Variants in FRMD3 observed in about 807,000 individuals in gnomAD.
The protein encoded by FRMD3 is FERM domain containing 3, also known as FERM domain-containing protein 3.
FRMD3 carries 33 observed loss-of-function variants against 70.2 expected under a neutral mutation model. The ratio of observed to expected loss-of-function variants is 0.47; its 90% CI spans 0.36 to 0.63. The LOEUF (loss-of-function observed/expected upper bound fraction) is 0.63. Ranked by LOEUF, FRMD3 falls within the 20% of genes least tolerant of loss-of-function variation. FRMD3 has a pLI of 0.00. For synonymous variants in FRMD3, 279 were observed against 255.9 expected (o/e 1.09, Z -0.86); for missense variants, 632 against 711.4 (o/e 0.89, Z 1.27).
At chr9:83,340,534 T>G (rs757202397) in intron 5 of FRMD3, among the ~76,000 whole-genome samples, 1 of 152,174 alleles carries the variant, frequency 6.6e-6, no homozygotes, top group Non-Finnish European at 1.5e-5. Context: ...AGTCAAGATT[T>G]CTACAGGGGT....
intron 1 of FRMD3, among the ~76,000 whole-genome samples, chr9:83,438,413 TTTTTG>T (rs1554705415): frequency 2.0e-5 from 3 of 151,128 alleles, no homozygotes; most frequent in Non-Finnish European, 4.4e-5. Context: ...GAGAGTTTTT[TTTTTG>T]TTTTGTTTTG....
chr9:83,358,594 G>T (rs781100326), intron 3 of FRMD3, among the ~76,000 whole-genome samples: 1 of 151,974 alleles, frequency 6.6e-6, no homozygotes. Context: ...TGTTTGTGTT[G>T]TCTATGATTT....
Position 83,308,081 on chromosome 9 carries a change from G to A in FRMD3, c.926+1455C>T, listed in dbSNP as rs567409823. ...ACCTTCTCCAATCATTCCTAGCACA[G>A]CATTTTGTGCGTCATCTCACCCAGT... On this transcript the variant is annotated intron_variant, in intron 10 of 13. Transcript: ENST00000304195. 7.9e-4 allele frequency among the ~76,000 whole-genome samples: 120 copies of A among 152,290 alleles called. 1 individual carries two copies. Among genetic ancestry groups the A allele is most frequent in the African/African-American group, 2.8e-3 (116 of 41,564 alleles).
chr9:83,467,566 G>T, intron 1 of FRMD3: 1 of 1,102,040 alleles, frequency 9.1e-7, no homozygotes, highest in Non-Finnish European at 1.3e-6. Flanking sequence ...CATGCATTAT[G>T]TTAAATAAAA....
In FRMD3 at chr9:83,245,961, T is replaced by C; in HGVS notation, c.*1957A>G. ...TCAGGTAATAAACAAACAATCTTTA[T>C]TTAAAAAGCAAAATAAATCACTGAA... On this transcript the variant is annotated 3_prime_UTR_variant, in exon 14 of 14. Transcript: ENST00000304195. 1 of 983,800 alleles carries C rather than the reference T, an allele frequency of 1.0e-6. No homozygotes were observed. Among genetic ancestry groups the C allele is most frequent in the Non-Finnish European group, 1.2e-6 (1 of 828,474 alleles). 60.9% of individuals were successfully genotyped at this position (983,800 alleles called of 1,614,324 possible). A position where few individuals can be genotyped will look rare whatever the true frequency, so the allele number is the denominator to read the frequency against.
intron 1 of FRMD3, among the ~76,000 whole-genome samples, chr9:83,499,420 T>G (rs1829014515): frequency 6.6e-6 from 1 of 151,944 alleles, no homozygotes; most frequent in Non-Finnish European, 1.5e-5. Flanking sequence ...ACTTAATGAG[T>G]AAAAATGATG....
rs148782593 is a variant in FRMD3 at position 83,278,372 on chromosome 9, A to T, written c.1195+12231T>A. On this transcript the variant is annotated intron_variant, in intron 13 of 13. Coordinates refer to ENST00000304195, the MANE Select transcript of FRMD3 (RefSeq NM_174938.6). ...TAATCCCCTGGCTACTGTATGGAAA[A>T]TATGGATGAGAGGATGGGGATAGGA... Among the ~76,000 whole-genome samples the T allele has an allele frequency of 4.1e-4, 62 of 152,272 alleles. 2 individuals are homozygous for T. In the East Asian group the frequency reaches 0.011, roughly 28 times the overall value.
upstream of FRMD3, chr9:83,538,454 C>T (rs1033983467): frequency 2.2e-5 from 8 of 367,870 alleles, no homozygotes; most frequent in East Asian, 1.2e-4. The surrounding 1 kb of genome is among the most constrained non-coding windows in gnomAD (Gnocchi z 4.7). Flanking sequence ...CTCCTTTCCC[C>T]GCCTCCTTCT....
At chr9:83,500,716 CA>C (rs1274298255) in intron 1 of FRMD3, among the ~76,000 whole-genome samples, 1 of 151,938 alleles carries the variant, frequency 6.6e-6, no homozygotes, top group African/African-American at 2.4e-5. Context: ...TTAGTCAATG[CA>C]AAAAAATGTT....
chr9:83,349,106 A>T (rs1824058468), intron 4 of FRMD3, among the ~76,000 whole-genome samples: 1 of 152,204 alleles, frequency 6.6e-6, no homozygotes. Flanking sequence ...TGCCCAGGTT[A>T]TTCAAGGAAG....
At chr9:83,398,070 A>G (rs920262756) in intron 1 of FRMD3, among the ~76,000 whole-genome samples, 1 of 152,212 alleles carries the variant, frequency 6.6e-6, no homozygotes, top group Non-Finnish European at 1.5e-5. Context: ...AATATAAGAA[A>G]GATTGTAGCT....
intron 13 of FRMD3, among the ~76,000 whole-genome samples, chr9:83,260,730 A>G (rs1272627125): frequency 6.6e-6 from 1 of 152,104 alleles, no homozygotes; most frequent in African/African-American, 2.4e-5. Context: ...CTTTATTACT[A>G]TACTCTCTAC....
chr9:83,368,921 C>T (rs1284472519), intron 3 of FRMD3, among the ~76,000 whole-genome samples: 2 of 152,052 alleles, frequency 1.3e-5, no homozygotes, highest in Non-Finnish European at 2.9e-5. Flanking sequence ...GTGGCACCAA[C>T]TCGGCTCACT....
rs1027146400 is a variant in FRMD3 at position 83,510,696 on chromosome 9, A to G, written c.147+27389T>C. 2.6e-5 allele frequency among the ~76,000 whole-genome samples: 4 copies of G among 152,228 alleles called. No homozygotes were observed. The East Asian group carries it at 7.7e-4, about 29-fold the overall frequency. On this transcript the variant is annotated intron_variant, in intron 1 of 13. Transcript: ENST00000304195. ...TAGTATTTGGCAATAAAAAGAAAGGAAATACTGATAAACACTAAACATGAG... is the reference window on the plus strand; with the variant it reads ...TAGTATTTGGCAATAAAAAGAAAGGGAATACTGATAAACACTAAACATGAG...
intron 12 of FRMD3, among the ~76,000 whole-genome samples, chr9:83,295,609 G>A (rs1277645453): frequency 6.6e-6 from 1 of 152,210 alleles, no homozygotes; most frequent in African/African-American, 2.4e-5. Flanking sequence ...CTGATGATCT[G>A]AGAAGTGATT....
chr9:83,559,268 T>C, the FRMD3 span, among the ~76,000 whole-genome samples: 3 of 152,210 alleles, frequency 2.0e-5, no homozygotes, highest in Non-Finnish European at 4.4e-5. Context: ...CACCCCAAGC[T>C]GTAGCAACCA....
the FRMD3 span, among the ~76,000 whole-genome samples, chr9:83,561,027 G>T: frequency 6.6e-6 from 1 of 152,178 alleles, no homozygotes; most frequent in Non-Finnish European, 1.5e-5. Context: ...CCTTAAGAAT[G>T]AAGTTAGGAA....
At chr9:83,553,901 G>C in the FRMD3 span, among the ~76,000 whole-genome samples, 1 of 152,164 alleles carries the variant, frequency 6.6e-6, no homozygotes, top group African/African-American at 2.4e-5. Flanking sequence ...TGGAGAACTG[G>C]TATGGTCATC....
chr9:83,538,904 A>G (rs1829962357), upstream of FRMD3, among the ~76,000 whole-genome samples: 2 of 152,308 alleles, frequency 1.3e-5, no homozygotes, highest in Admixed American at 6.5e-5. This position sits in a 1 kb window ranked among gnomAD's most constrained non-coding sequence, Gnocchi z 4.7. Context: ...AGAGAGAGTG[A>G]CAGCCCTGAC....
Sources: gnomAD v4.1 joint callset for allele counts (sites outside exome capture counted in the v4.1 genomes callset) on GRCh38, gnomAD v4.1.1 for gene constraint, Gnocchi (gnomAD v3.1) non-coding constraint, MANE v1.5 for transcripts, NCBI Gene and HGNC (gene_info 2026-07-23, HGNC 2026-07-21) for gene names.